SORCS3: variants seen among roughly 807,000 people sequenced by gnomAD.
SORCS3 encodes the protein sortilin related VPS10 domain containing receptor 3, also known as VPS10 domain-containing receptor SorCS3.
SORCS3 carries 57 observed loss-of-function variants against 146.3 expected under a neutral mutation model. That is an observed-to-expected ratio of 0.39 (90% CI 0.31 to 0.49). The LOEUF (loss-of-function observed/expected upper bound fraction) is 0.49, where lower values mean the gene tolerates loss of function less well. Ranked by LOEUF, SORCS3 falls within the 20% of genes least tolerant of loss-of-function variation. The pLI is 0.92. For synonymous variants in SORCS3, 653 were observed against 618.5 expected (o/e 1.06, Z -0.83); for missense variants, 1,341 against 1,575.5 (o/e 0.85, Z 2.52).
At chr10:104,643,942 C>T (rs2015460995) in intron 1 of SORCS3, among the ~76,000 whole-genome samples, 1 of 152,170 alleles carries the variant, frequency 6.6e-6, no homozygotes, top group African/African-American at 2.4e-5. Flanking sequence ...TGAGTATTTA[C>T]AAAGCCTCTG....
intron 4 of SORCS3, among the ~76,000 whole-genome samples, chr10:105,042,460 C>T (rs1263368514): frequency 1.3e-5 from 2 of 152,034 alleles, no homozygotes; most frequent in African/African-American, 4.8e-5. Flanking sequence ...AAAATATACC[C>T]AATACTCCTA....
chr10:104,798,485 T>TA (rs1215305023), intron 1 of SORCS3, among the ~76,000 whole-genome samples: 1 of 152,182 alleles, frequency 6.6e-6, no homozygotes, highest in Non-Finnish European at 1.5e-5. Context: ...TAGCACAACA[T>TA]ACTTATTAGA....
At chr10:104,860,895 T>C (rs58574044) in intron 2 of SORCS3, among the ~76,000 whole-genome samples, 2,435 of 152,242 alleles carry the variant, frequency 0.016, 68 homozygotes, top group African/African-American at 0.055. Context: ...AAGACCTGGC[T>C]TCAGTTGGAG....
intron 5 of SORCS3, among the ~76,000 whole-genome samples, chr10:105,051,086 T>C (rs1211069103): frequency 6.6e-6 from 1 of 152,186 alleles, no homozygotes; most frequent in Non-Finnish European, 1.5e-5. Flanking sequence ...GACTTTGTTA[T>C]ACCTTATTAT....
chr10:105,116,737 A>C (rs952216975), intron 7 of SORCS3, among the ~76,000 whole-genome samples: 3 of 152,180 alleles, frequency 2.0e-5, no homozygotes, highest in Non-Finnish European at 4.4e-5. Context: ...CTTTGCAGCA[A>C]CATGGATGGA....
rs1417201678 is a variant in SORCS3 at position 105,147,792 on chromosome 10, A to G, written c.1478A>G (p.Tyr493Cys). 3.7e-6 allele frequency: 6 copies of G among 1,610,146 alleles called. No homozygotes were observed. Among genetic ancestry groups the G allele is most frequent in the Middle Eastern group, 3.3e-4 (2 of 6,032 alleles). Residue 493 changes from tyrosine (Y) to cysteine (C), a missense_variant, in exon 9 of 27, where the codon TAT becomes TGT. Transcript: ENST00000369701. ...ATGGGGAACATCATTATTGAATTGTATGAGGTATGTAGCCAAAATTCTCCT... is the reference window on the plus strand; with the variant it reads ...ATGGGGAACATCATTATTGAATTGTGTGAGGTATGTAGCCAAAATTCTCCT... ...GLMGNIIIEL[Y>C]EVAGIKGIFL...
chr10:105,256,067 C>G (rs922208422), intron 24 of SORCS3, among the ~76,000 whole-genome samples: 1 of 152,120 alleles, frequency 6.6e-6, no homozygotes, highest in South Asian at 2.1e-4. Flanking sequence ...GGGTCTTAAC[C>G]TTATTCGTTT....
intron 5 of SORCS3, among the ~76,000 whole-genome samples, chr10:105,050,187 C>G (rs2055401241): frequency 6.6e-6 from 1 of 152,228 alleles, no homozygotes; most frequent in African/African-American, 2.4e-5. Flanking sequence ...TTTTGGGAGA[C>G]AGCCTCCAAG....
intron 2 of SORCS3, among the ~76,000 whole-genome samples, chr10:104,880,784 G>A (rs1186349637): frequency 6.6e-6 from 1 of 152,134 alleles, no homozygotes; most frequent in Non-Finnish European, 1.5e-5. Context: ...ATGCAGATAA[G>A]CACAGAGGTA....
chr10:105,090,327 G>A (rs1307486663), intron 6 of SORCS3, among the ~76,000 whole-genome samples: 2 of 152,102 alleles, frequency 1.3e-5, no homozygotes, highest in African/African-American at 2.4e-5. Context: ...TAGAGAGAGA[G>A]AAAGTGATGA....
intron 6 of SORCS3, among the ~76,000 whole-genome samples, chr10:105,102,683 G>C (rs1370468267): frequency 6.7e-6 from 1 of 149,806 alleles, no homozygotes; most frequent in Non-Finnish European, 1.5e-5. Flanking sequence ...AGTTGGAAAG[G>C]AAAAGAAAAA....
At position 104,864,243 on chromosome 10, in the gene SORCS3, TA is replaced by T. The variant is rs565290244; in HGVS notation, c.695+21391del. Among the ~76,000 whole-genome samples the T allele has an allele frequency of 3.4e-3, 513 of 152,292 alleles. 2 individuals are homozygous for T. The highest frequency in any genetic ancestry group is 0.018 in the South Asian group (88 of 4,828). On this transcript the variant is annotated intron_variant, in intron 2 of 26. Transcript: ENST00000369701. ...AATTGTTAAATGTTTATAAAAGCCT[TA>T]AAAAAATTTTTAAAAAGATTTTTCT...
At chr10:105,122,568 A>G (rs1241543423) in intron 7 of SORCS3, among the ~76,000 whole-genome samples, 1 of 152,144 alleles carries the variant, frequency 6.6e-6, no homozygotes, top group Non-Finnish European at 1.5e-5. Flanking sequence ...AGCACTTAAT[A>G]TGCTCCTGAT....
At chr10:105,241,551 C>A (rs1318296720) in intron 20 of SORCS3, among the ~76,000 whole-genome samples, 1 of 152,154 alleles carries the variant, frequency 6.6e-6, no homozygotes, top group African/African-American at 2.4e-5. Flanking sequence ...TTCTGGGTAC[C>A]CACACTCGGT....
At chr10:104,731,762 T>C (rs1419995616) in intron 1 of SORCS3, among the ~76,000 whole-genome samples, 1 of 152,226 alleles carries the variant, frequency 6.6e-6, no homozygotes, top group East Asian at 1.9e-4. Flanking sequence ...CTCATCCCTG[T>C]ATCTAGAATT....
chr10:104,726,108 A>G (rs1461465171), intron 1 of SORCS3, among the ~76,000 whole-genome samples: 3 of 152,166 alleles, frequency 2.0e-5, no homozygotes, highest in South Asian at 2.1e-4. Context: ...CTTTTCGGCC[A>G]TCTTTGATCC....
chr10:104,931,086 C>A (rs925182229), intron 3 of SORCS3, among the ~76,000 whole-genome samples: 12 of 152,118 alleles, frequency 7.9e-5, no homozygotes, highest in African/African-American at 2.9e-4. Flanking sequence ...ATCTGGTGAG[C>A]CTTTGGAGAA....
At chr10:104,926,543 C>T (rs529639805) in intron 3 of SORCS3, among the ~76,000 whole-genome samples, 1 of 152,260 alleles carries the variant, frequency 6.6e-6, no homozygotes, top group South Asian at 2.1e-4. Flanking sequence ...TCCTTGCACC[C>T]CAAAAGGGAA....
intron 1 of SORCS3, among the ~76,000 whole-genome samples, chr10:104,642,422 C>T (rs1213003233): frequency 7.5e-6 from 1 of 132,710 alleles, no homozygotes; most frequent in African/African-American, 2.9e-5. Flanking sequence ...AAAGGGAACC[C>T]GGAAGGCCAT....
Sources: gnomAD v4.1 joint callset for allele counts (sites outside exome capture counted in the v4.1 genomes callset) on GRCh38, gnomAD v4.1.1 for gene constraint, MANE v1.5 for transcripts, NCBI Gene and HGNC (gene_info 2026-07-23, HGNC 2026-07-21) for gene names.